Variants in LRP1B observed in about 807,000 individuals in gnomAD.
LRP1B encodes LDL receptor related protein 1B.
Under a neutral mutation model 556.6 loss-of-function variants are expected in LRP1B, and 217 were observed. The ratio of observed to expected loss-of-function variants is 0.39; its 90% confidence interval spans 0.35 to 0.44. LRP1B has a LOEUF of 0.44. Ranked by LOEUF, LRP1B falls within the 20% of genes least tolerant of loss-of-function variation. The pLI is 1.00. For synonymous variants in LRP1B, 2,047 were observed against 1,865.8 expected (o/e 1.10, Z -2.50); for missense variants, 5,053 against 5,620.8 (o/e 0.90, Z 3.23).
intron 2 of LRP1B, among the ~76,000 whole-genome samples, chr2:141,563,109 G>A (rs750099271): frequency 6.6e-6 from 1 of 151,960 alleles, no homozygotes; most frequent in South Asian, 2.1e-4. Flanking sequence ...CTGGGTATTA[G>A]GTGATTGTTA....
At chr2:142,106,178 T>C (rs1313665857) in intron 1 of LRP1B, among the ~76,000 whole-genome samples, 1 of 152,192 alleles carries the variant, frequency 6.6e-6, no homozygotes, top group African/African-American at 2.4e-5. Flanking sequence ...ATAATGAATT[T>C]GTCCTTCAGT....
intron 1 of LRP1B, among the ~76,000 whole-genome samples, chr2:142,035,999 A>AG (rs1703864291): frequency 6.6e-6 from 1 of 151,644 alleles, no homozygotes; most frequent in Non-Finnish European, 1.5e-5. Context: ...CCATGTAAGA[A>AG]GTGCTTTTTA....
chr2:140,820,056 G>A (rs1465943841), intron 31 of LRP1B, among the ~76,000 whole-genome samples: 1 of 152,150 alleles, frequency 6.6e-6, no homozygotes, highest in Non-Finnish European at 1.5e-5. Flanking sequence ...CTGGAGTGCA[G>A]TGGCATGACC....
chr2:140,841,122 G>A (rs769218692), intron 29 of LRP1B, 30 bp from the exon 30 acceptor site: 1 of 1,482,934 alleles, frequency 6.7e-7, no homozygotes. Flanking sequence ...AGATTTAAAG[G>A]TGAATGAAGT....
chr2:140,639,044 C>A (rs1196493046), intron 41 of LRP1B, among the ~76,000 whole-genome samples: 1 of 151,914 alleles, frequency 6.6e-6, no homozygotes, highest in Non-Finnish European at 1.5e-5. Flanking sequence ...GCTGTGAAGG[C>A]CAGAAACATG....
At chr2:141,548,763 C>T (rs750486191) in intron 2 of LRP1B, among the ~76,000 whole-genome samples, 10 of 152,090 alleles carry the variant, frequency 6.6e-5, no homozygotes, top group Non-Finnish European at 1.0e-4. Flanking sequence ...TGCTTAATGA[C>T]AGTGCATATG....
chr2:141,381,618 G>GA (rs545568474), intron 3 of LRP1B, among the ~76,000 whole-genome samples: 47 of 145,842 alleles, frequency 3.2e-4, no homozygotes, highest in East Asian at 2.8e-3. Context: ...AAGTTAAAAA[G>GA]AAAAAAAAAA....
At chr2:141,742,111 GATTT>G (rs1325038536) in intron 2 of LRP1B, among the ~76,000 whole-genome samples, 4 of 151,972 alleles carry the variant, frequency 2.6e-5, no homozygotes, top group East Asian at 1.9e-4. Context: ...TAGATGTCTG[GATTT>G]ATTTATGTTT....
chr2:142,016,820 G>T (rs1559024013), intron 1 of LRP1B, among the ~76,000 whole-genome samples: 1 of 112,988 alleles, frequency 8.9e-6, no homozygotes, highest in East Asian at 2.8e-4. Context: ...AGAACTTAAA[G>T]TATATATATA....
chr2:140,327,659 G>A (rs559251289), intron 79 of LRP1B, among the ~76,000 whole-genome samples: 13 of 151,980 alleles, frequency 8.6e-5, no homozygotes, highest in East Asian at 1.9e-4. Flanking sequence ...ACCTGTTCCC[G>A]GTAACATTAG....
chr2:140,441,973 ATTATT>A (rs1228832247), intron 66 of LRP1B, among the ~76,000 whole-genome samples: 1 of 152,226 alleles, frequency 6.6e-6, no homozygotes, highest in African/African-American at 2.4e-5. Context: ...TGTAAATAAA[ATTATT>A]TTAAGTGAAA....
intron 11 of LRP1B, among the ~76,000 whole-genome samples, chr2:141,045,241 A>G (rs1215464302): frequency 1.0e-5 from 1 of 98,462 alleles, no homozygotes; most frequent in Admixed American, 1.5e-4. Flanking sequence ...GGACACAGGA[A>G]GGGGAATATC....
intron 41 of LRP1B, among the ~76,000 whole-genome samples, chr2:140,609,991 T>C (rs1232715735): frequency 6.6e-6 from 1 of 152,144 alleles, no homozygotes; most frequent in African/African-American, 2.4e-5. Flanking sequence ...CCTTTTTTAT[T>C]ATGCCCTGGC....
intron 3 of LRP1B, among the ~76,000 whole-genome samples, chr2:141,254,948 A>G (rs2683845): frequency 0.13 from 20,332 of 151,940 alleles, 1,405 homozygotes; most frequent in South Asian, 0.22. Flanking sequence ...TCAGCGGTTG[A>G]TTTTGCCATC....
chr2:142,066,178 T>C (rs1705100557), intron 1 of LRP1B, among the ~76,000 whole-genome samples: 1 of 151,638 alleles, frequency 6.6e-6, no homozygotes, highest in Admixed American at 6.6e-5. Flanking sequence ...AGATGCACTG[T>C]GGTTTTTCTC....
At chr2:141,466,957 A>C in intron 3 of LRP1B, among the ~76,000 whole-genome samples, 1 of 148,148 alleles carries the variant, frequency 6.8e-6, no homozygotes, top group East Asian at 2.0e-4. Flanking sequence ...GGGGATATAT[A>C]TATATATATA....
intron 83 of LRP1B, among the ~76,000 whole-genome samples, chr2:140,306,375 G>T (rs1159920575): frequency 6.6e-6 from 1 of 151,898 alleles, no homozygotes; most frequent in African/African-American, 2.4e-5. Flanking sequence ...TCCTGGTTTA[G>T]TCTTGGGAGG....
intron 3 of LRP1B, among the ~76,000 whole-genome samples, chr2:141,315,370 C>T (rs1259377515): frequency 6.9e-6 from 1 of 145,226 alleles, no homozygotes; most frequent in East Asian, 2.1e-4. Flanking sequence ...TCCCATTCTC[C>T]TGCCTCAGCC....
At chr2:141,457,482 A>G (rs923782214) in intron 3 of LRP1B, among the ~76,000 whole-genome samples, 6 of 152,122 alleles carry the variant, frequency 3.9e-5, no homozygotes, top group Middle Eastern at 3.2e-3. Flanking sequence ...TAGCTAATAC[A>G]TGCTGGATTT....
Sources: gnomAD v4.1 joint callset for allele counts (sites outside exome capture counted in the v4.1 genomes callset) on GRCh38, gnomAD v4.1.1 for gene constraint, MANE v1.5 for transcripts, NCBI Gene and HGNC (gene_info 2026-07-23, HGNC 2026-07-21) for gene names.